The following TOPAZ1 variants were observed in gnomAD, a reference collection of about 807,000 sequenced individuals.
TOPAZ1 encodes the protein protein TOPAZ1.
In TOPAZ1, 66 loss-of-function variants were observed where a neutral mutation model predicts 172.2. That is an observed-to-expected ratio of 0.38 (90% confidence interval 0.31 to 0.47). TOPAZ1 has a LOEUF of 0.47. TOPAZ1 is among the 20% of genes least tolerant of loss of function. The pLI, the probability that TOPAZ1 is intolerant of heterozygous loss-of-function variation, is 0.99. For missense variants in TOPAZ1, 1,822 were observed against 1,972.4 expected, an observed-to-expected ratio of 0.92 and a Z score of 1.44; for synonymous variants, 681 against 683.9, an observed-to-expected ratio of 1.00 and a Z score of 0.07.
chr3:44,253,943 GAT>G (rs1699664740), intron 2 of TOPAZ1, among the ~76,000 whole-genome samples: 1 of 152,158 alleles, frequency 6.6e-6, no homozygotes, highest in African/African-American at 2.4e-5. Flanking sequence ...TGTGTACTTT[GAT>G]ATGTTTTAAA....
rs1231390933 is a variant in TOPAZ1, at chr3:44,242,936, A to G, written c.430A>G (p.Ser144Gly). The change falls in exon 2 of 20, where the codon AGT (serine) becomes GGT (glycine). Residue 144 changes from serine to glycine, a missense_variant. Ser to Gly is a moderately conservative substitution (Grantham distance 56). Transcript: ENST00000309765. ...LDLVRKESLT[S>G]SESFQTVECL... ...CTTGGTAAGAAAGGAATCATTAACC[A>G]GTTCGGAATCTTTCCAAACAGTGGA... 1.9e-6 allele frequency: 3 copies of G among 1,549,614 alleles called. No individual in the cohort carries two copies. The highest frequency in any genetic ancestry group is 2.6e-6 in the Non-Finnish European group (3 of 1,146,436).
At chr3:44,298,411 T>A (rs1700223782) in intron 12 of TOPAZ1, among the ~76,000 whole-genome samples, 1 of 152,094 alleles carries the variant, frequency 6.6e-6, no homozygotes, top group Non-Finnish European at 1.5e-5. Flanking sequence ...TGAGCCGTGA[T>A]TGCACCACTG....
At chr3:44,265,256 TAGC>T (rs1699817381) in intron 5 of TOPAZ1, among the ~76,000 whole-genome samples, 1 of 152,216 alleles carries the variant, frequency 6.6e-6, no homozygotes, top group South Asian at 2.1e-4. Flanking sequence ...GATGTTGTGT[TAGC>T]AGGCATAAAA....
At chr3:44,297,869 A>G (rs1361133983) in intron 12 of TOPAZ1, among the ~76,000 whole-genome samples, 1 of 152,334 alleles carries the variant, frequency 6.6e-6, no homozygotes, top group African/African-American at 2.4e-5. Context: ...AGCATTTAAA[A>G]CAATATAATT....
intron 5 of TOPAZ1, among the ~76,000 whole-genome samples, chr3:44,265,320 G>T (rs928350211): frequency 6.6e-6 from 1 of 152,148 alleles, no homozygotes; most frequent in East Asian, 1.9e-4. Flanking sequence ...CCAGCACTTC[G>T]GGAGGCCAAG....
chr3:44,311,283 G>A (rs1476533223), intron 16 of TOPAZ1, among the ~76,000 whole-genome samples: 1 of 152,188 alleles, frequency 6.6e-6, no homozygotes, highest in East Asian at 1.9e-4. Flanking sequence ...AACATAGTCA[G>A]TGAGGTTTCC....
chr3:44,305,050 T>C, intron 13 of TOPAZ1, 97 bp from the exon 14 acceptor site: 1 of 848,400 alleles, frequency 1.2e-6, no homozygotes, highest in Non-Finnish European at 1.8e-6. Context: ...TATGTATATC[T>C]AATGCCTAAA....
chr3:44,316,519 T>A (rs1248651757), intron 16 of TOPAZ1, among the ~76,000 whole-genome samples: 1 of 152,178 alleles, frequency 6.6e-6, no homozygotes, highest in Non-Finnish European at 1.5e-5. Flanking sequence ...GTCCTTGATC[T>A]GTTGGGTATT....
chr3:44,242,154 G>T lies in TOPAZ1; in HGVS notation c.101G>T (p.Gly34Val), dbSNP rs1441797606. The T allele has an allele frequency of 1.3e-6, 2 of 1,548,754 alleles. No homozygotes were observed. Among genetic ancestry groups the T allele is most frequent in the East Asian group, 4.9e-5 (2 of 40,860 alleles). Residue 34 changes from glycine (G) to valine (V), a missense_variant, in exon 1 of 20, where the codon GGA becomes GTA. Around this residue, in one of 2 missense-constraint regions of TOPAZ1, gnomAD observed 1,489 missense variants for 1,490.8 expected, o/e 1.00. Coordinates refer to ENST00000309765, the MANE Select transcript of TOPAZ1 (RefSeq NM_001145030.2). ...CAGGCGCCAGGGCCAGGCGCGGCGGGAGGCTGTGGCCCTGAGGCCGGGGGG... is the reference window on the plus strand; with the variant it reads ...CAGGCGCCAGGGCCAGGCGCGGCGGTAGGCTGTGGCCCTGAGGCCGGGGGG... ...KRQAPGPGAA[G>V]GCGPEAGGCR...
At chr3:44,333,813 G>A (rs1351431624), downstream of TOPAZ1, among the ~76,000 whole-genome samples, 3 of 152,190 alleles carry the variant, frequency 2.0e-5, no homozygotes, top group African/African-American at 7.2e-5. Flanking sequence ...AACAGTATAG[G>A]TTTGAAAAGG....
At chr3:44,318,884 C>T (rs894990091) in intron 16 of TOPAZ1, among the ~76,000 whole-genome samples, 1 of 148,064 alleles carries the variant, frequency 6.8e-6, no homozygotes, top group Admixed American at 6.8e-5. Context: ...ATATAGTTTT[C>T]TTTTGTTAAT....
At position 44,244,740 on chromosome 3, in the gene TOPAZ1, T is replaced by C; in HGVS notation, c.2234T>C (p.Leu745Ser). ...VSMMMLGPQT[L>S]SIRNSVTPVQ... ...ATGATGATGTTAGGACCTCAAACTT[T>C]GAGCATACGAAATAGTGTAACTCCA... Residue 745 changes from leucine to serine, a missense_variant, in exon 2 of 20, where the codon TTG becomes TCG. Transcript: ENST00000309765. 6.4e-7 allele frequency: 1 copy of C among 1,551,566 alleles called. No homozygotes were observed.
At position 44,244,729 on chromosome 3, in the gene TOPAZ1, A is replaced by T. The variant is rs775361024; in HGVS notation, c.2223A>T (p.Gly741=). 11 of 1,551,502 alleles carry T rather than the reference A, an allele frequency of 7.1e-6. No homozygotes were observed. The South Asian group carries it at 1.3e-4, about 18-fold the overall frequency. Residue 741 remains glycine, a synonymous_variant, in exon 2 of 20, where the codon GGA becomes GGT. Transcript: ENST00000309765. ...AAAATGTCTCCATGATGATGTTAGG[A>T]CCTCAAACTTTGAGCATACGAAATA... ...SKENVSMMML[G]PQTLSIRNSV... is the part of the protein sequence containing the mutation.
At chr3:44,295,306 A>C (rs1235167067) in intron 12 of TOPAZ1, among the ~76,000 whole-genome samples, 2 of 152,214 alleles carry the variant, frequency 1.3e-5, no homozygotes, top group Non-Finnish European at 2.9e-5. Context: ...GGAACAATCT[A>C]AATACCAATA....
intron 16 of TOPAZ1, among the ~76,000 whole-genome samples, chr3:44,314,410 C>T (rs979864712): frequency 5.3e-5 from 8 of 152,126 alleles, no homozygotes; most frequent in Non-Finnish European, 8.8e-5. Context: ...TGTGTCATCT[C>T]ATCTAATCAA....
chr3:44,286,742 A>C (rs1044927291), intron 9 of TOPAZ1, among the ~76,000 whole-genome samples: 1 of 152,184 alleles, frequency 6.6e-6, no homozygotes, highest in African/African-American at 2.4e-5. Flanking sequence ...AAAAATGATC[A>C]ATGAAAGAAT....
chr3:44,248,667 A>G (rs958953746), intron 2 of TOPAZ1, among the ~76,000 whole-genome samples: 2 of 152,208 alleles, frequency 1.3e-5, no homozygotes, highest in African/African-American at 2.4e-5. Context: ...CCCTTTTACC[A>G]GTCAGTTACT....
chr3:44,297,180 A>AC (rs386396498), intron 12 of TOPAZ1, among the ~76,000 whole-genome samples: 53 of 151,612 alleles, frequency 3.5e-4, no homozygotes, highest in African/African-American at 1.2e-3. Flanking sequence ...AAAAAAAAAA[A>AC]AGAAAAAAGA....
At chr3:44,334,129 G>T (rs79661196), downstream of TOPAZ1, among the ~76,000 whole-genome samples, 1 of 152,214 alleles carries the variant, frequency 6.6e-6, no homozygotes, top group Non-Finnish European at 1.5e-5. Flanking sequence ...CAGATGCCAG[G>T]TTTTTATAAT....
Sources: gnomAD v4.1 joint callset for allele counts (sites outside exome capture counted in the v4.1 genomes callset) on GRCh38, gnomAD v4.1.1 for gene constraint, gnomAD v4.1.1 regional missense constraint, MANE v1.5 for transcripts, NCBI Gene and HGNC (gene_info 2026-07-23, HGNC 2026-07-21) for gene names.